KCND2: variants seen among roughly 807,000 people sequenced by gnomAD.
KCND2 encodes potassium voltage-gated channel subfamily D member 2.
A neutral mutation model predicts 54.4 loss-of-function variants in KCND2; 16 were observed. The ratio of observed to expected loss-of-function variants is 0.29; its 90% CI spans 0.20 to 0.45. KCND2 has a LOEUF of 0.45. KCND2 is among the 20% of genes least tolerant of loss of function. The pLI, the probability that KCND2 is intolerant of heterozygous loss-of-function variation, is 1.00. For synonymous variants in KCND2, 317 were observed against 310.7 expected (o/e 1.02, Z -0.21); for missense variants, 486 against 824.2 (o/e 0.59, Z 5.02).
At chr7:120,512,195 T>A (rs1803125971) in intron 1 of KCND2, among the ~76,000 whole-genome samples, 1 of 152,068 alleles carries the variant, frequency 6.6e-6, no homozygotes. Flanking sequence ...ACACAATGTT[T>A]AAGTGCCCAA....
At chr7:120,433,632 A>G (rs532143043) in intron 1 of KCND2, among the ~76,000 whole-genome samples, 44 of 152,296 alleles carry the variant, frequency 2.9e-4, no homozygotes, top group African/African-American at 9.6e-4. Flanking sequence ...CATGTAGTAA[A>G]TGCTCTGTAA....
chr7:120,672,430 C>T (rs1250577163), intron 1 of KCND2, among the ~76,000 whole-genome samples: 1 of 152,054 alleles, frequency 6.6e-6, no homozygotes. Flanking sequence ...GCTACTGACC[C>T]CTCCTACCTG....
At chr7:120,537,805 TA>T (rs902916079) in intron 1 of KCND2, among the ~76,000 whole-genome samples, 9 of 152,302 alleles carry the variant, frequency 5.9e-5, no homozygotes, top group South Asian at 2.1e-4. Flanking sequence ...TTCAAAGAAT[TA>T]AAGAGAGTTA....
chr7:120,491,452 G>A (rs574985798), intron 1 of KCND2, among the ~76,000 whole-genome samples: 92 of 152,050 alleles, frequency 6.1e-4, no homozygotes, highest in Admixed American at 1.9e-3. Context: ...ATAACATATT[G>A]TAGTTGGTAG....
At chr7:120,585,820 A>T (rs1032565014) in intron 1 of KCND2, among the ~76,000 whole-genome samples, 1 of 152,180 alleles carries the variant, frequency 6.6e-6, no homozygotes, top group African/African-American at 2.4e-5. Context: ...ATGAATCTTA[A>T]TCCTGTAAAT....
chr7:120,579,537 G>A (rs1562878364), intron 1 of KCND2, among the ~76,000 whole-genome samples: 2 of 151,448 alleles, frequency 1.3e-5, no homozygotes, highest in South Asian at 2.1e-4. Flanking sequence ...GGGAGTCGAA[G>A]GTTGCAGTGA....
chr7:120,343,508 A>G (rs1331806035), intron 1 of KCND2, among the ~76,000 whole-genome samples: 1 of 152,200 alleles, frequency 6.6e-6, no homozygotes, highest in Admixed American at 6.5e-5. Flanking sequence ...ATTAATCTGT[A>G]GTATATTCCA....
At chr7:120,496,763 C>T (rs1294400001) in intron 1 of KCND2, among the ~76,000 whole-genome samples, 2 of 152,124 alleles carry the variant, frequency 1.3e-5, no homozygotes, top group African/African-American at 4.8e-5. Flanking sequence ...TGATTGTGGC[C>T]TTTCTCTTTT....
intron 1 of KCND2, among the ~76,000 whole-genome samples, chr7:120,622,715 TCACA>T (rs151116039): frequency 0.018 from 2,263 of 126,968 alleles, 40 homozygotes; most frequent in African/African-American, 0.058. Context: ...TCTCTCTCTC[TCACA>T]CACACACACA....
intron 1 of KCND2, among the ~76,000 whole-genome samples, chr7:120,584,037 GA>G (rs1792555333): frequency 6.6e-6 from 1 of 152,202 alleles, no homozygotes; most frequent in Admixed American, 6.5e-5. Flanking sequence ...TGTATCCAGT[GA>G]AATTCCAAAG....
At chr7:120,705,885 TTC>T (rs1374950273) in intron 1 of KCND2, among the ~76,000 whole-genome samples, 1 of 152,124 alleles carries the variant, frequency 6.6e-6, no homozygotes, top group Non-Finnish European at 1.5e-5. Flanking sequence ...CTTTGATTCC[TTC>T]TCTCTCTTTT....
chr7:120,672,561 G>A (rs559278895), intron 1 of KCND2, among the ~76,000 whole-genome samples: 1 of 152,164 alleles, frequency 6.6e-6, no homozygotes, highest in African/African-American at 2.4e-5. Context: ...ACACTTCACT[G>A]CTTCCTTCTC....
chr7:120,519,054 C>T (rs1355571111), intron 1 of KCND2, among the ~76,000 whole-genome samples: 3 of 152,002 alleles, frequency 2.0e-5, no homozygotes, highest in African/African-American at 4.8e-5. Flanking sequence ...CTTGGCAGTA[C>T]GTGGTGGTTC....
At chr7:120,354,646 G>T (rs890476098) in intron 1 of KCND2, among the ~76,000 whole-genome samples, 1 of 152,214 alleles carries the variant, frequency 6.6e-6, no homozygotes, top group Admixed American at 6.5e-5. Flanking sequence ...TACTTGAGGG[G>T]GAGGTGAGGT....
chr7:120,550,833 G>A (rs1005898083), intron 1 of KCND2, among the ~76,000 whole-genome samples: 2 of 152,186 alleles, frequency 1.3e-5, no homozygotes, highest in African/African-American at 4.8e-5. Context: ...TCCCAAATAA[G>A]CACATGAATG....
chr7:120,328,141 G>A (rs1800008131), intron 1 of KCND2, among the ~76,000 whole-genome samples: 2 of 152,090 alleles, frequency 1.3e-5, no homozygotes, highest in Admixed American at 6.6e-5. Context: ...CCTGGTGGTG[G>A]TATTGTTCAA....
At position 120,722,881 on chromosome 7, in the gene KCND2, T is replaced by C. The variant is rs138418176; in HGVS notation, c.1116-10022T>C. On this transcript the variant is annotated intron_variant, in intron 1 of 5. Coordinates refer to ENST00000331113, the MANE Select transcript of KCND2 (RefSeq NM_012281.3). The stretch of plus-strand genomic sequence containing the variant: ...GCAAAGGCACTTGGGAGTCTTTGAA[T>C]AGATTATAAGCAATGAACAGTTCCA... Among the ~76,000 whole-genome samples, 525 of 152,216 alleles carry C rather than the reference T, an allele frequency of 3.4e-3. 2 individuals are homozygous for C. The highest frequency in any genetic ancestry group is 0.012 in the African/African-American group (500 of 41,546).
intron 1 of KCND2, among the ~76,000 whole-genome samples, chr7:120,574,118 A>G (rs559142720): frequency 6.6e-6 from 1 of 152,324 alleles, no homozygotes; most frequent in African/African-American, 2.4e-5. Flanking sequence ...AAGGTTTAAG[A>G]TCCTTGACTT....
intron 1 of KCND2, among the ~76,000 whole-genome samples, chr7:120,288,472 A>G (rs950456588): frequency 1.3e-5 from 2 of 152,150 alleles, no homozygotes; most frequent in Non-Finnish European, 2.9e-5. Flanking sequence ...TTAGATTATA[A>G]TTGAGCATAA....
Sources: gnomAD v4.1 joint callset for allele counts (sites outside exome capture counted in the v4.1 genomes callset) on GRCh38, gnomAD v4.1.1 for gene constraint, MANE v1.5 for transcripts, NCBI Gene and HGNC (gene_info 2026-07-23, HGNC 2026-07-21) for gene names.